DNAJC5B: variants seen among roughly 807,000 people sequenced by gnomAD.
DNAJC5B encodes the protein dnaJ homolog subfamily C member 5B.
A neutral mutation model predicts 24.7 loss-of-function variants in DNAJC5B; 23 were observed. The observed-to-expected ratio is 0.93, with a 90% CI of 0.67 to 1.32. DNAJC5B has a LOEUF of 1.32. DNAJC5B is among the 40% of genes most tolerant of loss of function. The pLI is 0.00. For missense variants in DNAJC5B, 238 were observed against 240.8 expected, an observed-to-expected ratio of 0.99 and a Z score of 0.08; for synonymous variants, 101 against 90.1, an observed-to-expected ratio of 1.12 and a Z score of -0.68.
chr8:66,047,127 G>C (rs1358322565), intron 2 of DNAJC5B, among the ~76,000 whole-genome samples: 2 of 152,218 alleles, frequency 1.3e-5, no homozygotes, highest in East Asian at 3.8e-4. Context: ...TAGGACGCCA[G>C]ATAATAACCA....
intron 1 of DNAJC5B, among the ~76,000 whole-genome samples, chr8:66,028,582 A>G (rs1280535294): frequency 9.3e-6 from 1 of 107,856 alleles, no homozygotes; most frequent in East Asian, 2.0e-4. Context: ...GCCTCACCAT[A>G]TTCCCAGTTT....
chr8:66,016,766 G>A (rs1805964483), upstream of DNAJC5B, among the ~76,000 whole-genome samples: 1 of 152,148 alleles, frequency 6.6e-6, no homozygotes, highest in Admixed American at 6.5e-5. Flanking sequence ...GTGACTATTT[G>A]GGGGTAAAGA....
At chr8:66,082,349 C>A (rs1386697822) in intron 5 of DNAJC5B, among the ~76,000 whole-genome samples, 1 of 152,038 alleles carries the variant, frequency 6.6e-6, no homozygotes, top group African/African-American at 2.4e-5. Context: ...TATCCCCAAT[C>A]CAGTGTTTCA....
intron 3 of DNAJC5B, among the ~76,000 whole-genome samples, chr8:66,062,132 G>A (rs935536779): frequency 6.6e-5 from 10 of 152,240 alleles, no homozygotes; most frequent in Non-Finnish European, 1.5e-4. Flanking sequence ...TGTACTTTCA[G>A]CCCTAGCACC....
chr8:66,034,623 AG>A (rs1370984742), intron 1 of DNAJC5B, among the ~76,000 whole-genome samples: 1 of 151,644 alleles, frequency 6.6e-6, no homozygotes, highest in African/African-American at 2.4e-5. Context: ...TGAGAGGTGG[AG>A]GGCATCCAAG....
chr8:66,096,446 G>A (rs1807955061), intron 5 of DNAJC5B, among the ~76,000 whole-genome samples: 1 of 152,148 alleles, frequency 6.6e-6, no homozygotes, highest in African/African-American at 2.4e-5. Flanking sequence ...GATTTCATGA[G>A]TTAGGTGCTG....
At chr8:66,071,919 A>C (rs1269211898) in intron 3 of DNAJC5B, among the ~76,000 whole-genome samples, 1 of 152,134 alleles carries the variant, frequency 6.6e-6, no homozygotes, top group African/African-American at 2.4e-5. Flanking sequence ...TGAAGCTGGA[A>C]ACCATCATTC....
At chr8:66,061,333 T>C (rs1480925079) in intron 3 of DNAJC5B, among the ~76,000 whole-genome samples, 1 of 152,202 alleles carries the variant, frequency 6.6e-6, no homozygotes, top group Non-Finnish European at 1.5e-5. Context: ...TGAATTCAAC[T>C]CACTTTTCTC....
chr8:66,027,054 A>G (rs1221625300), intron 1 of DNAJC5B, among the ~76,000 whole-genome samples: 2 of 152,096 alleles, frequency 1.3e-5, no homozygotes, highest in Non-Finnish European at 2.9e-5. Context: ...TCCTCCTTTC[A>G]AGCCACTCCT....
chr8:66,053,631 CTT>C (rs1349312911), intron 3 of DNAJC5B, among the ~76,000 whole-genome samples: 28 of 141,060 alleles, frequency 2.0e-4, no homozygotes, highest in Non-Finnish European at 2.5e-4. Flanking sequence ...CTTCAACTAC[CTT>C]TTTTTTTTTT....
intron 3 of DNAJC5B, among the ~76,000 whole-genome samples, chr8:66,062,343 C>CAG (rs1807101677): frequency 6.6e-6 from 1 of 152,140 alleles, no homozygotes; most frequent in Non-Finnish European, 1.5e-5. Context: ...TACTAGCTTC[C>CAG]ATCTGGGATC....
chr8:66,050,540 A>T lies in DNAJC5B; in HGVS notation c.-17-991A>T, dbSNP rs527302222. 4.1e-4 allele frequency among the ~76,000 whole-genome samples: 62 copies of T among 152,266 alleles called. 1 individual carries two copies. Among genetic ancestry groups the T allele is most frequent in the African/African-American group, 1.4e-3 (57 of 41,550 alleles). On this transcript the variant is annotated intron_variant, in intron 2 of 5. Coordinates refer to ENST00000276570, the MANE Select transcript of DNAJC5B (RefSeq NM_033105.6). ...ATCTGATAGATAGTTCTATATTTTT[A>T]AAATCCTAGGGAAGGATTCTAATTG... is the stretch of plus-strand genomic sequence containing the variant.
rs1807859861 is a variant in DNAJC5B at position 66,092,035 on chromosome 8, G to C, written c.506-7902G>C. 2.0e-5 allele frequency among the ~76,000 whole-genome samples: 3 copies of C among 152,264 alleles called. No individual in the cohort carries two copies. In the South Asian group the frequency reaches 6.2e-4, roughly 32 times the overall value. On this transcript the variant is annotated intron_variant, in intron 5 of 5. Transcript: ENST00000276570. ...GGGGCAGGAAGAATAGGGAGCAACT[G>C]TTTAATGGGGACTGGGTTCCCTTTT...
chr8:66,022,801 C>T (rs1806167638), intron 1 of DNAJC5B, among the ~76,000 whole-genome samples: 1 of 152,226 alleles, frequency 6.6e-6, no homozygotes, highest in Non-Finnish European at 1.5e-5. Context: ...ACACATTCAA[C>T]TTCTGTACAG....
upstream of DNAJC5B, among the ~76,000 whole-genome samples, chr8:66,020,592 CTCTGTGTGTGTGTG>C (rs1242939548): frequency 7.3e-6 from 1 of 136,092 alleles, no homozygotes; most frequent in Non-Finnish European, 1.6e-5. Flanking sequence ...GTAATCAATA[CTCTGTGTGTGTGTG>C]TGTGTGTGTG....
upstream of DNAJC5B, among the ~76,000 whole-genome samples, chr8:66,017,809 T>C (rs561363199): frequency 6.6e-6 from 1 of 152,342 alleles, no homozygotes; most frequent in African/African-American, 2.4e-5. Context: ...TAAGGAAAAG[T>C]GATTCTGTTT....
intron 2 of DNAJC5B, among the ~76,000 whole-genome samples, chr8:66,046,697 G>T (rs1258708623): frequency 6.6e-6 from 1 of 152,228 alleles, no homozygotes; most frequent in Non-Finnish European, 1.5e-5. Flanking sequence ...GGGGGCTACA[G>T]GCTGCTTGTC....
chr8:66,020,594 CTGTGTGTGTGTGTGTGTGTGTGTGTG>C (rs10526018), upstream of DNAJC5B, among the ~76,000 whole-genome samples: 362 of 132,462 alleles, frequency 2.7e-3, 3 homozygotes, highest in South Asian at 0.021. Context: ...AATCAATACT[CTGTGTGTGTGTGTGTGTGTGTGTGTG>C]TGTGTGTGTG....
chr8:66,021,767 C>T (rs1220726365), intron 1 of DNAJC5B, 62 bp downstream of exon 1: 1 of 152,184 alleles, frequency 6.6e-6, no homozygotes, highest in African/African-American at 2.4e-5. Context: ...GCCCCAGCTG[C>T]GTTAGGGTAA....
Sources: allele counts gnomAD v4.1 joint callset (sites outside exome capture counted in the v4.1 genomes callset), GRCh38; gene constraint gnomAD v4.1.1; transcripts MANE v1.5; gene names NCBI Gene and HGNC (gene_info 2026-07-23, HGNC 2026-07-21).